PDGFRA: variants seen among roughly 807,000 people sequenced by gnomAD.
PDGFRA encodes platelet-derived growth factor receptor alpha.
A neutral mutation model predicts 121.5 loss-of-function variants in PDGFRA; 25 were observed. The observed-to-expected ratio is 0.21, with a 90% confidence interval of 0.15 to 0.29. PDGFRA has a LOEUF of 0.29. Ranked by LOEUF, PDGFRA falls within the 10% of genes least tolerant of loss-of-function variation. PDGFRA has a pLI of 1.00. For missense variants in PDGFRA, 1,008 were observed against 1,345.1 expected (o/e 0.75, Z 3.92); for synonymous variants, 463 against 494.8 (o/e 0.94, Z 0.85).
chr4:54,267,536 A>G lies in PDGFRA; in HGVS notation c.932-16A>G. 1 of 1,614,034 alleles carries G rather than the reference A, an allele frequency of 6.2e-7. No homozygotes were observed. Among genetic ancestry groups the G allele is most frequent in the South Asian group, 1.1e-5 (1 of 91,082 alleles). On this transcript the variant is annotated splice_polypyrimidine_tract_variant and intron_variant, in intron 6 of 22. Transcript: ENST00000257290. ...ATGTGGTAATCATTATTTAATGGAA[A>G]CTCTTCCCTGTACAGAGAAAGGTTT... is the stretch of plus-strand genomic sequence containing the variant.
At chr4:54,294,238 C>A (rs1724769584) in intron 22 of PDGFRA, among the ~76,000 whole-genome samples, 1 of 151,944 alleles carries the variant, frequency 6.6e-6, no homozygotes, top group Non-Finnish European at 1.5e-5. Context: ...GATGGAACTT[C>A]ACGGGGGTCG....
At chr4:54,241,627 G>A (rs1721304691) in intron 1 of PDGFRA, among the ~76,000 whole-genome samples, 2 of 152,018 alleles carry the variant, frequency 1.3e-5, no homozygotes, top group East Asian at 1.9e-4. Context: ...TTGGTTCACT[G>A]CAGCCTCCGC....
intron 1 of PDGFRA, among the ~76,000 whole-genome samples, chr4:54,242,545 A>G (rs1465212681): frequency 6.6e-6 from 1 of 152,134 alleles, no homozygotes; most frequent in Non-Finnish European, 1.5e-5. Context: ...TCATATTTAT[A>G]TATATATACA....
At position 54,261,931 on chromosome 4, in the gene PDGFRA, A is replaced by ATATATATT. The variant is rs57094735; in HGVS notation, c.367+520_367+521insATATATTT. ...TATATATATATATATATATATATATATTTTTTTTTTTTTTGGTAACAGGGT... is the reference window on the plus strand; with the variant it reads ...TATATATATATATATATATATATATATATATATTTTTTTTTTTTTTTTGGTAACAGGGT... On this transcript the variant is annotated intron_variant, in intron 3 of 22. Transcript: ENST00000257290. Among the ~76,000 whole-genome samples, 71 of 58,382 alleles carry ATATATATT rather than the reference A, an allele frequency of 1.2e-3. 1 individual carries two copies. The highest frequency in any genetic ancestry group is 3.2e-3 in the Admixed American group (14 of 4,424). The allele number at this position is 58,382 out of a possible 152,430, so 38.3% of individuals were successfully genotyped here. A position where few individuals can be genotyped will look rare whatever the true frequency, so the allele number is the denominator to read the frequency against.
Position 54,297,884 on chromosome 4 carries a change from A to T in PDGFRA, c.*2612A>T, listed in dbSNP as rs1724954485. The T allele has an allele frequency of 4.3e-6, 1 of 233,360 alleles. No homozygotes were observed. The highest frequency in any genetic ancestry group is 5.6e-5 in the Admixed American group (1 of 17,780). 14.5% of individuals were successfully genotyped at this position (233,360 alleles called of 1,614,324 possible). The stretch of plus-strand genomic sequence containing the variant: ...CTATTTTTGTGAAGAGGGACATAAG[A>T]TAAAATGATGTTATACATCAATATG... On this transcript the variant is annotated 3_prime_UTR_variant, in exon 23 of 23. Transcript: ENST00000257290.
At chr4:54,276,350 G>A (rs1723724831) in intron 12 of PDGFRA, among the ~76,000 whole-genome samples, 1 of 152,074 alleles carries the variant, frequency 6.6e-6, no homozygotes, top group African/African-American at 2.4e-5. Context: ...AGTAGTAATA[G>A]TAGAATAGGT....
chr4:54,297,654 T>TTGTG lies in PDGFRA; in HGVS notation c.*2396_*2399dup, dbSNP rs202135569. Reference sequence around the variant, plus strand: ...CACCTGAATTTGTATATGACTGCATTTGTGTGTGTGTGTGTGTTTTCAGCA... The same window carrying TTGTG: ...CACCTGAATTTGTATATGACTGCATTTGTGTGTGTGTGTGTGTGTGTTTTCAGCA... On this transcript the variant is annotated 3_prime_UTR_variant, in exon 23 of 23. Transcript: ENST00000257290. The TTGTG allele has an allele frequency of 1.7e-4, 39 of 233,532 alleles. No homozygotes were observed. Among genetic ancestry groups the TTGTG allele is most frequent in the African/African-American group, 7.1e-4 (32 of 45,300 alleles). 14.5% of individuals were successfully genotyped at this position (233,532 alleles called of 1,614,324 possible).
intron 16 of PDGFRA, 130 bp downstream of exon 16, chr4:54,280,612 G>A: frequency 1.4e-6 from 1 of 727,026 alleles, no homozygotes; most frequent in South Asian, 1.5e-5. Context: ...CTAAATGCAG[G>A]TCTGCACAAC....
At position 54,296,010 on chromosome 4, in the gene PDGFRA, A is replaced by C. The variant is rs902819605; in HGVS notation, c.*738A>C. 1.3e-5 allele frequency: 3 copies of C among 232,598 alleles called. No individual in the cohort carries two copies. Among genetic ancestry groups the C allele is most frequent in the African/African-American group, 6.6e-5 (3 of 45,318 alleles). 14.4% of individuals were successfully genotyped at this position (232,598 alleles called of 1,614,324 possible). A position where few individuals can be genotyped will look rare whatever the true frequency, so the allele number is the denominator to read the frequency against. The stretch of plus-strand genomic sequence containing the variant: ...CTCCAGAGAAAGCACAATTTAAAAC[A>C]ATCCTTACTAAGTAGGTGATGAGTT... On this transcript the variant is annotated 3_prime_UTR_variant, in exon 23 of 23. Transcript: ENST00000257290.
chr4:54,232,260 T>C (rs918457641), intron 1 of PDGFRA, among the ~76,000 whole-genome samples: 3 of 152,200 alleles, frequency 2.0e-5, no homozygotes, highest in Admixed American at 6.5e-5. Context: ...CGGTCTCGCC[T>C]GGGGCGCAAG....
At position 54,263,727 on chromosome 4, in the gene PDGFRA, A is replaced by G. The variant is rs2110251193; in HGVS notation, c.428A>G (p.Asp143Gly). Residue 143 changes from aspartate to glycine, a missense_variant, in exon 4 of 23, where the codon GAT (aspartate) becomes GGT (glycine). Physicochemically the swap from Asp to Gly is moderately conservative, Grantham distance 94 (BLOSUM62 -1). Around this residue, in one of 5 missense-constraint regions of PDGFRA, gnomAD observed 575 missense variants for 701.8 expected, o/e 0.82. Transcript: ENST00000257290. ...MTDYLVIVEDDDSAIIPCRTT... is the reference protein window; with the variant it reads ...MTDYLVIVEDGDSAIIPCRTT... Reference sequence around the variant, plus strand: ...GATTATTTAGTCATCGTGGAGGATGATGATTCTGCCATTATACCTTGTCGC... The same window carrying G: ...GATTATTTAGTCATCGTGGAGGATGGTGATTCTGCCATTATACCTTGTCGC... 6.2e-7 allele frequency: 1 copy of G among 1,613,938 alleles called. No homozygotes were observed. The highest frequency in any genetic ancestry group is 8.5e-7 in the Non-Finnish European group (1 of 1,179,854).
intron 1 of PDGFRA, among the ~76,000 whole-genome samples, chr4:54,255,789 G>A (rs554889865): frequency 4.6e-5 from 7 of 152,058 alleles, no homozygotes; most frequent in Admixed American, 3.3e-4. Flanking sequence ...ACAGGCGTGA[G>A]CCACTGCGCC....
chr4:54,270,652 C>A lies in PDGFRA; in HGVS notation c.1141C>A (p.Leu381Met), dbSNP rs2110279378. The stretch of plus-strand genomic sequence containing the variant: ...TAAAAGGTATCGAAGCAAATTAAAG[C>A]TGATCCGTGCTAAGGAAGAAGACAG... Reference protein sequence around the residue: ...QEIRYRSKLKLIRAKEEDSGH... With the variant: ...QEIRYRSKLKMIRAKEEDSGH... The change falls in exon 8 of 23, where the codon CTG becomes ATG. Residue 381 changes from leucine to methionine, a missense_variant. Transcript: ENST00000257290. The A allele has an allele frequency of 6.2e-7, 1 of 1,608,010 alleles. No homozygotes were observed. The highest frequency in any genetic ancestry group is 8.5e-7 in the Non-Finnish European group (1 of 1,174,756).
chr4:54,286,364 C>CT (rs1343124737), intron 18 of PDGFRA, among the ~76,000 whole-genome samples: 23 of 126,268 alleles, frequency 1.8e-4, no homozygotes, highest in Admixed American at 2.5e-4. Context: ...TATTTATTTT[C>CT]TTTTTTTTTG....
At chr4:54,255,343 A>T (rs1346933195) in intron 1 of PDGFRA, among the ~76,000 whole-genome samples, 1 of 152,122 alleles carries the variant, frequency 6.6e-6, no homozygotes. Context: ...GTGGCATTCA[A>T]TAAAGCAGAA....
At chr4:54,255,506 CTTTT>C (rs375357866) in intron 1 of PDGFRA, among the ~76,000 whole-genome samples, 2 of 138,094 alleles carry the variant, frequency 1.4e-5, no homozygotes, top group Admixed American at 7.3e-5. Flanking sequence ...TCTCCCCTTT[CTTTT>C]TTTTTTTTTT....
intron 4 of PDGFRA, chr4:54,264,547 G>T: frequency 3.5e-6 from 1 of 289,438 alleles, no homozygotes; most frequent in Non-Finnish European, 6.6e-6. Context: ...GAAACAATTG[G>T]ATAGAAACAA....
chr4:54,278,045 A>T (rs766629952), intron 14 of PDGFRA, 39 bp downstream of exon 14: 1 of 1,199,382 alleles, frequency 8.3e-7, no homozygotes, highest in Non-Finnish European at 1.2e-6. Context: ...TTCACTGGAC[A>T]CATGTGGTTG....
In PDGFRA at chr4:54,263,914, T is replaced by A. The variant is rs377039486; in HGVS notation, c.615T>A (p.Val205=). 5.6e-6 allele frequency: 9 copies of A among 1,613,814 alleles called. No homozygotes were observed. In the African/African-American group the frequency reaches 1.2e-4, roughly 22 times the overall value. ...AGTTCCAGACCATCCCATTTAATGT[T>A]TATGCTTTAAAAGGTACTTGTATCA... is the stretch of plus-strand genomic sequence containing the variant. The part of the protein sequence containing the change: ...GKKFQTIPFN[V]YALKATSELD... The change falls in exon 4 of 23, where the codon GTT becomes GTA. Residue 205 remains valine, a synonymous_variant. Coordinates refer to ENST00000257290, the MANE Select transcript of PDGFRA (RefSeq NM_006206.6).
Sources: gnomAD v4.1 joint callset for allele counts (sites outside exome capture counted in the v4.1 genomes callset) on GRCh38, gnomAD v4.1.1 for gene constraint, gnomAD v4.1.1 regional missense constraint, MANE v1.5 for transcripts, NCBI Gene and HGNC (gene_info 2026-07-23, HGNC 2026-07-21) for gene names.